Variants in ATP8A1 observed in about 807,000 individuals in gnomAD.
The protein encoded by ATP8A1 is phospholipid-transporting ATPase IA.
A neutral mutation model predicts 177.7 loss-of-function variants in ATP8A1; 90 were observed. The observed-to-expected ratio is 0.51, with a 90% CI of 0.43 to 0.60. ATP8A1 has a LOEUF of 0.60. Among genes scored for constraint, ATP8A1 ranks in the 20% least tolerant of loss-of-function variants. ATP8A1 has a pLI of 0.00. For missense variants in ATP8A1, 1,072 were observed against 1,392.8 expected, an observed-to-expected ratio of 0.77 and a Z score of 3.67; for synonymous variants, 493 against 485.9, an observed-to-expected ratio of 1.01 and a Z score of -0.19.
intron 27 of ATP8A1, among the ~76,000 whole-genome samples, chr4:42,460,379 C>CTTTTTTTTTT (rs35296572): frequency 1.1e-5 from 1 of 94,542 alleles, no homozygotes; most frequent in Non-Finnish European, 2.0e-5. Context: ...ATGGATGGAT[C>CTTTTTTTTTT]TTTTTTTTTT....
intron 20 of ATP8A1, among the ~76,000 whole-genome samples, chr4:42,533,004 TCAGCCCAC>T (rs1727434414): frequency 6.6e-6 from 1 of 152,196 alleles, no homozygotes; most frequent in Non-Finnish European, 1.5e-5. Flanking sequence ...TTTTTTGGAC[TCAGCCCAC>T]CTGCACCCAG....
intron 33 of ATP8A1, among the ~76,000 whole-genome samples, chr4:42,428,768 C>T (rs998167098): frequency 2.7e-4 from 41 of 152,278 alleles, no homozygotes; most frequent in African/African-American, 9.1e-4. Context: ...TATCATCTCT[C>T]AAGCCAGGCC....
chr4:42,577,125 C>T (rs1477487761), intron 12 of ATP8A1, among the ~76,000 whole-genome samples: 1 of 152,160 alleles, frequency 6.6e-6, no homozygotes, highest in East Asian at 1.9e-4. Context: ...CTGCTGGGTT[C>T]ATCCAATACT....
rs1193422477 is a variant in ATP8A1 at position 42,537,056 on chromosome 4, C to T, written c.1722+6861G>A. 2.0e-5 allele frequency among the ~76,000 whole-genome samples: 3 copies of T among 151,128 alleles called. No individual in the cohort carries two copies. The East Asian group carries it at 5.8e-4, about 29-fold the overall frequency. On this transcript the variant is annotated intron_variant, in intron 20 of 36. Transcript: ENST00000381668. ...CTGAGGCAAGAGAATTGCTTGAACC[C>T]AGGAGGTGGAGGTTGCGGTGAGCCG...
intron 32 of ATP8A1, among the ~76,000 whole-genome samples, 173 bp from the exon 33 acceptor site, chr4:42,443,845 T>A (rs1350941082): frequency 6.6e-6 from 1 of 152,218 alleles, no homozygotes; most frequent in Non-Finnish European, 1.5e-5. Flanking sequence ...TAAGTGCTAA[T>A]CTCTTCTACA....
Position 42,581,165 on chromosome 4 carries a change from G to A in ATP8A1, c.834+456C>T. Among the ~76,000 whole-genome samples the A allele has an allele frequency of 1.3e-5, 2 of 151,570 alleles. 1 individual carries two copies. Among genetic ancestry groups the A allele is most frequent in the Non-Finnish European group, 2.9e-5 (2 of 67,952 alleles). ...TATTTTTTTTTTGAGACGGAGTCTT[G>A]CTCTGTTGCCCAGGCTGGAGTACAG... On this transcript the variant is annotated intron_variant, in intron 10 of 36. Coordinates refer to ENST00000381668, the MANE Select transcript of ATP8A1 (RefSeq NM_006095.2).
chr4:42,561,973 G>A (rs1198348440), intron 15 of ATP8A1: 2 of 152,186 alleles, frequency 1.3e-5, no homozygotes, highest in Admixed American at 6.5e-5. Context: ...TGGGTATCGT[G>A]ACAAAAGTCT....
chr4:42,515,161 GA>G (rs1725404655), intron 22 of ATP8A1, among the ~76,000 whole-genome samples: 1 of 152,220 alleles, frequency 6.6e-6, no homozygotes, highest in African/African-American at 2.4e-5. Flanking sequence ...TAAATGCTCA[GA>G]AAGTGGCAGG....
intron 19 of ATP8A1, among the ~76,000 whole-genome samples, chr4:42,545,449 AG>A (rs1728802858): frequency 6.6e-6 from 1 of 152,176 alleles, no homozygotes; most frequent in Non-Finnish European, 1.5e-5. Context: ...ACATCAAAGT[AG>A]GTAGATGTTG....
At chr4:42,569,693 T>C (rs1395340274) in intron 14 of ATP8A1, among the ~76,000 whole-genome samples, 1 of 152,242 alleles carries the variant, frequency 6.6e-6, no homozygotes, top group African/African-American at 2.4e-5. Context: ...TACATTAAAG[T>C]AAAAGTTACC....
intron 1 of ATP8A1, among the ~76,000 whole-genome samples, chr4:42,639,287 G>A (rs1422482455): frequency 6.6e-6 from 1 of 152,176 alleles, no homozygotes; most frequent in Non-Finnish European, 1.5e-5. Flanking sequence ...ATTAACAGAT[G>A]CACAGACATC....
intron 6 of ATP8A1, among the ~76,000 whole-genome samples, chr4:42,598,670 T>C (rs1232529194): frequency 1.3e-5 from 2 of 152,142 alleles, no homozygotes; most frequent in African/African-American, 2.4e-5. Flanking sequence ...AATATCAAAG[T>C]TTGGATGCTT....
At chr4:42,602,791 A>AAAAT (rs140631699) in intron 5 of ATP8A1, among the ~76,000 whole-genome samples, 20,678 of 151,056 alleles carry the variant, frequency 0.14, 1,795 homozygotes, top group African/African-American at 0.25. Flanking sequence ...AAATAAAATT[A>AAAAT]AAATAAATAA....
intron 22 of ATP8A1, among the ~76,000 whole-genome samples, chr4:42,519,815 A>G (rs2153197817): frequency 6.6e-6 from 1 of 152,336 alleles, no homozygotes; most frequent in South Asian, 2.1e-4. Context: ...CAAATTAGTT[A>G]TAAATTCCCG....
chr4:42,624,397 C>T (rs1185626052), intron 4 of ATP8A1, 139 bp downstream of exon 4: 1 of 453,698 alleles, frequency 2.2e-6, no homozygotes, highest in Non-Finnish European at 3.9e-6. Flanking sequence ...GGGATAGGAA[C>T]ATATTCTAGA....
intron 5 of ATP8A1, among the ~76,000 whole-genome samples, chr4:42,602,777 A>G (rs937956089): frequency 4.0e-5 from 6 of 150,416 alleles, no homozygotes; most frequent in Non-Finnish European, 7.4e-5. Flanking sequence ...TCAAAAATAA[A>G]ATAAAATAAA....
chr4:42,414,685 G>T lies in ATP8A1; in HGVS notation c.3339C>A (p.Val1113=). 6.2e-7 allele frequency: 1 copy of T among 1,613,908 alleles called. No individual in the cohort carries two copies. The highest frequency in any genetic ancestry group is 8.5e-7 in the Non-Finnish European group (1 of 1,179,830). Residue 1113 remains valine, a synonymous_variant, in exon 36 of 37, where the codon GTC becomes GTA. Transcript: ENST00000381668. ...LTERAQLLKN[V]FKKNHVNLYR... is the part of the protein sequence containing the mutation. ...ACAAGTTCACGTGGTTCTTCTTAAA[G>T]ACGTTCTTGAGCAGTTGCGCCCTCT...
At chr4:42,598,567 T>C (rs1734944014) in intron 6 of ATP8A1, among the ~76,000 whole-genome samples, 1 of 152,156 alleles carries the variant, frequency 6.6e-6, no homozygotes, top group African/African-American at 2.4e-5. Context: ...ATAATTTCCC[T>C]GGGATTATAT....
intron 1 of ATP8A1, among the ~76,000 whole-genome samples, chr4:42,643,641 C>G (rs1316108541): frequency 6.6e-6 from 1 of 152,148 alleles, no homozygotes; most frequent in African/African-American, 2.4e-5. Context: ...ACCCTTACCC[C>G]CAAGATGAAA....
Sources: gnomAD v4.1 joint callset for allele counts (sites outside exome capture counted in the v4.1 genomes callset) on GRCh38, gnomAD v4.1.1 for gene constraint, MANE v1.5 for transcripts, NCBI Gene and HGNC (gene_info 2026-07-23, HGNC 2026-07-21) for gene names.